The following ZFPM2 variants were observed in gnomAD, a reference collection of about 807,000 sequenced individuals.
The protein encoded by ZFPM2 is zinc finger protein ZFPM2.
Under a neutral mutation model 98.6 loss-of-function variants are expected in ZFPM2, and 20 were observed. The ratio of observed to expected loss-of-function variants is 0.20; its 90% CI spans 0.14 to 0.29. The LOEUF is 0.29. Among genes scored for constraint, ZFPM2 ranks in the 10% least tolerant of loss-of-function variants. The pLI, the probability that ZFPM2 is intolerant of heterozygous loss-of-function variation, is 1.00. For missense variants in ZFPM2, 1,310 were observed against 1,388.6 expected (o/e 0.94, Z 0.90); for synonymous variants, 518 against 502.7 (o/e 1.03, Z -0.41).
chr8:105,346,972 C>G (rs1003041748), intron 1 of ZFPM2, among the ~76,000 whole-genome samples: 1 of 152,094 alleles, frequency 6.6e-6, no homozygotes, highest in Non-Finnish European at 1.5e-5. Flanking sequence ...CTAAGGAAAC[C>G]AGATGTAGCC....
At chr8:105,750,440 TTAG>T (rs1812449826) in intron 5 of ZFPM2, among the ~76,000 whole-genome samples, 1 of 152,072 alleles carries the variant, frequency 6.6e-6, no homozygotes, top group Non-Finnish European at 1.5e-5. Flanking sequence ...CATTTTATAA[TTAG>T]TAGGTGAAAT....
chr8:105,767,190 T>TA (rs1282258329), intron 5 of ZFPM2, among the ~76,000 whole-genome samples: 2 of 151,932 alleles, frequency 1.3e-5, no homozygotes, highest in African/African-American at 4.8e-5. Flanking sequence ...TGATGTGCTT[T>TA]ACAAAGCATG....
chr8:105,398,624 T>C (rs1043281480), intron 1 of ZFPM2, among the ~76,000 whole-genome samples: 3 of 152,074 alleles, frequency 2.0e-5, no homozygotes, highest in African/African-American at 7.2e-5. Flanking sequence ...CCTAGATCCC[T>C]CACATGCACA....
intron 1 of ZFPM2, among the ~76,000 whole-genome samples, chr8:105,331,462 C>T (rs765809907): frequency 1.1e-4 from 17 of 151,600 alleles, no homozygotes; most frequent in Admixed American, 3.3e-4. Flanking sequence ...TACTAAGGTA[C>T]GTGTTAGGGG....
chr8:105,630,139 T>C (rs750935511), intron 4 of ZFPM2, among the ~76,000 whole-genome samples: 1 of 152,232 alleles, frequency 6.6e-6, no homozygotes, highest in Non-Finnish European at 1.5e-5. Flanking sequence ...ATAAAAATTT[T>C]GGCCTGACTT....
At position 105,773,084 on chromosome 8, in the gene ZFPM2, G is replaced by T. The variant is rs538211290; in HGVS notation, c.533-15634G>T. 3.3e-5 allele frequency among the ~76,000 whole-genome samples: 5 copies of T among 152,246 alleles called. No homozygotes were observed. In the South Asian group the frequency reaches 8.3e-4, roughly 25 times the overall value. ...GGTAGAATAGAATTAAATAAATAAA[G>T]CCCACATTCTCTTTTCTTCTGGCTG... On this transcript the variant is annotated intron_variant, in intron 5 of 7. Coordinates refer to ENST00000407775, the MANE Select transcript of ZFPM2 (RefSeq NM_012082.4).
chr8:105,740,414 C>T (rs1812183556), intron 5 of ZFPM2, among the ~76,000 whole-genome samples: 2 of 150,102 alleles, frequency 1.3e-5, no homozygotes, highest in East Asian at 2.0e-4. Flanking sequence ...CATAGAAACA[C>T]ATCATAAAAC....
intron 1 of ZFPM2, among the ~76,000 whole-genome samples, chr8:105,396,814 G>A (rs1341484562): frequency 6.6e-6 from 1 of 152,108 alleles, no homozygotes; most frequent in Non-Finnish European, 1.5e-5. Context: ...TAATTATTGT[G>A]TTCCAGTGGC....
intron 3 of ZFPM2, among the ~76,000 whole-genome samples, chr8:105,487,954 C>G (rs1050342531): frequency 2.7e-5 from 4 of 148,488 alleles, no homozygotes; most frequent in Admixed American, 6.7e-5. Flanking sequence ...AGCTAGCTAT[C>G]TGTCATGTCT....
At chr8:105,504,945 G>GTAT (rs3830238) in intron 3 of ZFPM2, among the ~76,000 whole-genome samples, 55,758 of 151,774 alleles carry the variant, frequency 0.37, 12,088 homozygotes, top group African/African-American at 0.62. Flanking sequence ...AAAGAAAAAA[G>GTAT]TATTAATAAG....
At chr8:105,531,411 C>A (rs1814294130) in intron 3 of ZFPM2, among the ~76,000 whole-genome samples, 1 of 152,066 alleles carries the variant, frequency 6.6e-6, no homozygotes, top group Non-Finnish European at 1.5e-5. Flanking sequence ...ATGTGTCATT[C>A]CAATTTTTGC....
At chr8:105,455,831 G>A (rs909913773) in intron 3 of ZFPM2, among the ~76,000 whole-genome samples, 39 of 152,114 alleles carry the variant, frequency 2.6e-4, no homozygotes, top group Admixed American at 6.6e-4. Context: ...AATATGGCAC[G>A]GTTTTTATTT....
intron 5 of ZFPM2, among the ~76,000 whole-genome samples, chr8:105,645,188 C>T (rs1267175260): frequency 6.6e-6 from 1 of 152,108 alleles, no homozygotes; most frequent in Non-Finnish European, 1.5e-5. Context: ...GCTATGATGT[C>T]TATTTAATAA....
intron 4 of ZFPM2, among the ~76,000 whole-genome samples, chr8:105,596,940 T>G (rs1815983246): frequency 6.6e-6 from 1 of 151,590 alleles, no homozygotes; most frequent in Admixed American, 6.6e-5. Context: ...CTCTATAAAT[T>G]TAGTTAATGC....
At chr8:105,624,862 A>G (rs561659482) in intron 4 of ZFPM2, among the ~76,000 whole-genome samples, 1 of 152,346 alleles carries the variant, frequency 6.6e-6, no homozygotes, top group Admixed American at 6.5e-5. Context: ...ACTGTCTGAC[A>G]TAAGGAGTAT....
At chr8:105,477,333 C>T (rs989782507) in intron 3 of ZFPM2, among the ~76,000 whole-genome samples, 3 of 149,682 alleles carry the variant, frequency 2.0e-5, no homozygotes, top group Non-Finnish European at 4.4e-5. Context: ...CAGCCTCCAC[C>T]TCCTGGGTTC....
At chr8:105,554,932 G>T (rs1474486057) in intron 3 of ZFPM2, among the ~76,000 whole-genome samples, 1 of 152,056 alleles carries the variant, frequency 6.6e-6, no homozygotes, top group Non-Finnish European at 1.5e-5. Context: ...ACAATGTCTT[G>T]ATAGCACTTT....
At chr8:105,597,811 G>C (rs1197726935) in intron 4 of ZFPM2, among the ~76,000 whole-genome samples, 1 of 151,926 alleles carries the variant, frequency 6.6e-6, no homozygotes, top group Non-Finnish European at 1.5e-5. Flanking sequence ...TCTTTCATTT[G>C]GGAATGATAG....
chr8:105,673,513 A>G (rs757895620), intron 5 of ZFPM2, among the ~76,000 whole-genome samples: 2 of 152,078 alleles, frequency 1.3e-5, no homozygotes, highest in Non-Finnish European at 2.9e-5. Flanking sequence ...AACACATTAT[A>G]TGCTTCTGTT....
Sources: gnomAD v4.1 joint callset for allele counts (sites outside exome capture counted in the v4.1 genomes callset) on GRCh38, gnomAD v4.1.1 for gene constraint, MANE v1.5 for transcripts, NCBI Gene and HGNC (gene_info 2026-07-23, HGNC 2026-07-21) for gene names.